The following GRM4 variants were observed in gnomAD, a reference collection of about 807,000 sequenced individuals.
The protein encoded by GRM4 is metabotropic glutamate receptor 4.
Under a neutral mutation model 81.7 loss-of-function variants are expected in GRM4, and 28 were observed. That is an observed-to-expected ratio of 0.34 (90% CI 0.25 to 0.47). The LOEUF is 0.47. Ranked by LOEUF, GRM4 falls within the 20% of genes least tolerant of loss-of-function variation. GRM4 has a pLI of 1.00. For missense variants in GRM4, 948 were observed against 1,290.0 expected (o/e 0.73, Z 4.06); for synonymous variants, 488 against 528.8 (o/e 0.92, Z 1.06).
chr6:34,038,231 C>T (rs898325624), intron 8 of GRM4, among the ~76,000 whole-genome samples: 2 of 152,268 alleles, frequency 1.3e-5, no homozygotes, highest in African/African-American at 4.8e-5. Flanking sequence ...CGTCCTTGAG[C>T]AAATGGCTTC....
chr6:34,100,389 G>A (rs573504344), intron 2 of GRM4, among the ~76,000 whole-genome samples: 1 of 152,328 alleles, frequency 6.6e-6, no homozygotes, highest in East Asian at 1.9e-4. Flanking sequence ...GTGATGGAGA[G>A]TGCATGTCAG....
rs1362082398 is a variant in GRM4 at position 34,048,194 on chromosome 6, C to T, written c.1169-7446G>A. The stretch of plus-strand genomic sequence containing the variant: ...AGACCTAGCTTTGAGAAACAGGATT[C>T]GAGCCCCAGGGTCTGGTGGGGCCAG... On this transcript the variant is annotated intron_variant, in intron 6 of 10. Coordinates refer to ENST00000538487, the MANE Select transcript of GRM4 (RefSeq NM_000841.4). The surrounding 1 kb of genome is among the most constrained non-coding windows in gnomAD (Gnocchi z 4.0). Among the ~76,000 whole-genome samples, 3 of 152,160 alleles carry T rather than the reference C, an allele frequency of 2.0e-5. No homozygotes were observed. The highest frequency in any genetic ancestry group is 3.9e-4 in the East Asian group (2 of 5,186).
rs1309568110 is a variant in GRM4 at position 34,121,656 on chromosome 6, C to CAGGGCT, written c.519+11316_519+11321dup. ...CAGGGCACCTCTGCTGGGCCAGGGC[C>CAGGGCT]AGGGCTGAGCAGAGCATCCCTCCTC... On this transcript the variant is annotated intron_variant, in intron 2 of 10. Coordinates refer to ENST00000538487, the MANE Select transcript of GRM4 (RefSeq NM_000841.4). The surrounding 1 kb of genome is among the most constrained non-coding windows in gnomAD (Gnocchi z 4.6). Among the ~76,000 whole-genome samples, 9 of 152,306 alleles carry CAGGGCT rather than the reference C, an allele frequency of 5.9e-5. No individual in the cohort carries two copies. The highest frequency in any genetic ancestry group is 1.3e-4 in the Admixed American group (2 of 15,306).
chr6:34,090,116 GTA>G lies in GRM4; in HGVS notation c.736+1765_736+1766del, dbSNP rs1359530182. ...ATGGGGATGAGGCAGCATCTACCTC[GTA>G]GGGCAGGAAGGACTGCCCAGGACAG... is the stretch of plus-strand genomic sequence containing the variant. On this transcript the variant is annotated intron_variant, in intron 3 of 10. Transcript: ENST00000538487. The surrounding 1 kb of genome is among the most constrained non-coding windows in gnomAD (Gnocchi z 5.2). Among the ~76,000 whole-genome samples, 1 of 152,132 alleles carries G rather than the reference GTA, an allele frequency of 6.6e-6. No individual in the cohort carries two copies. The highest frequency in any genetic ancestry group is 2.4e-5 in the African/African-American group (1 of 41,430).
intron 9 of GRM4, 111 bp from the exon 10 acceptor site, chr6:34,028,477 A>G: frequency 1.6e-6 from 2 of 1,230,636 alleles, no homozygotes; most frequent in South Asian, 1.4e-5. Context: ...TTCAGGCAGA[A>G]GGAAGTCGTG....
chr6:34,070,931 C>G lies in GRM4; in HGVS notation c.737-8903G>C, dbSNP rs80086785. Among the ~76,000 whole-genome samples, 15,903 of 151,758 alleles carry G rather than the reference C, an allele frequency of 0.1. 1,036 individuals are homozygous for G. The highest frequency in any genetic ancestry group is 0.19 in the East Asian group (998 of 5,146). On this transcript the variant is annotated intron_variant, in intron 3 of 10. Coordinates refer to ENST00000538487, the MANE Select transcript of GRM4 (RefSeq NM_000841.4). This position sits in a 1 kb window ranked among gnomAD's most constrained non-coding sequence, Gnocchi z 4.6. ...AGCTCCCATCACACTTATGGACCCA[C>G]TAAGAACCTCGTACAGCCTCATAGC...
chr6:34,025,290 A>T (rs1157615818), intron 10 of GRM4, among the ~76,000 whole-genome samples: 1 of 152,154 alleles, frequency 6.6e-6, no homozygotes, highest in Non-Finnish European at 1.5e-5. Flanking sequence ...CAGGCTGGTG[A>T]GAATCAATTC....
Position 34,092,213 on chromosome 6 carries a change from C to A in GRM4, c.520-114G>T, listed in dbSNP as rs749100031. On this transcript the variant is annotated intron_variant, in intron 2 of 10. Coordinates refer to ENST00000538487, the MANE Select transcript of GRM4 (RefSeq NM_000841.4). The surrounding 1 kb of genome is among the most constrained non-coding windows in gnomAD (Gnocchi z 6.8). ...GGTCCCCACAGCCTTGGGACCACCA[C>A]AGCCCACCCCTCCCCATGGGCGATG... 26 of 665,786 alleles carry A rather than the reference C, an allele frequency of 3.9e-5. No homozygotes were observed. Among genetic ancestry groups the A allele is most frequent in the Non-Finnish European group, 6.2e-5 (24 of 389,252 alleles). The allele number at this position is 665,786 out of a possible 1,614,324, so 41.2% of individuals were successfully genotyped here. A position where few individuals can be genotyped will look rare whatever the true frequency, so the allele number is the denominator to read the frequency against.
chr6:34,132,878 G>A (rs1770298959), intron 2 of GRM4, 100 bp downstream of exon 2: 14 of 952,890 alleles, frequency 1.5e-5, no homozygotes, highest in South Asian at 1.7e-5. Context: ...AGGAAAAAAG[G>A]AGGAAAAAGG....
In GRM4 at chr6:34,048,110, T is replaced by G. The variant is rs1001335629; in HGVS notation, c.1169-7362A>C. On this transcript the variant is annotated intron_variant, in intron 6 of 10. Transcript: ENST00000538487. This position sits in a 1 kb window ranked among gnomAD's most constrained non-coding sequence, Gnocchi z 4.0. ...ATGAGAATGCAGACTTTAAGAATCCTCACGGCACTCCTGTGTCCCTGCGAA... is the reference window on the plus strand; with the variant it reads ...ATGAGAATGCAGACTTTAAGAATCCGCACGGCACTCCTGTGTCCCTGCGAA... Among the ~76,000 whole-genome samples the G allele has an allele frequency of 6.6e-6, 1 of 152,148 alleles. No individual in the cohort carries two copies. The highest frequency in any genetic ancestry group is 2.4e-5 in the African/African-American group (1 of 41,422).
rs1765087196 is a variant in GRM4, at chr6:34,042,921, C to T, written c.1169-2173G>A. Among the ~76,000 whole-genome samples the T allele has an allele frequency of 6.6e-6, 1 of 152,196 alleles. No individual in the cohort carries two copies. The highest frequency in any genetic ancestry group is 6.5e-5 in the Admixed American group (1 of 15,288). On this transcript the variant is annotated intron_variant, in intron 6 of 10. Coordinates refer to ENST00000538487, the MANE Select transcript of GRM4 (RefSeq NM_000841.4). The surrounding 1 kb of genome is among the most constrained non-coding windows in gnomAD (Gnocchi z 4.2). Reference sequence around the variant, plus strand: ...ATGGGGGATAGCTGGCCTGGTCGCTCATTAACCCTGCCAGCCAGAACCACA... The same window carrying T: ...ATGGGGGATAGCTGGCCTGGTCGCTTATTAACCCTGCCAGCCAGAACCACA...
chr6:34,047,610 T>G lies in GRM4; in HGVS notation c.1169-6862A>C, dbSNP rs1406396279. ...AGTCGCCTGCCTTCCAGTCTGGGAA[T>G]TTCTAACCCACTTGGCTGGGTCTCC... On this transcript the variant is annotated intron_variant, in intron 6 of 10. Transcript: ENST00000538487. The surrounding 1 kb of genome is among the most constrained non-coding windows in gnomAD (Gnocchi z 4.5). Among the ~76,000 whole-genome samples, 1 of 152,128 alleles carries G rather than the reference T, an allele frequency of 6.6e-6. No homozygotes were observed. Among genetic ancestry groups the G allele is most frequent in the African/African-American group, 2.4e-5 (1 of 41,440 alleles).
intron 3 of GRM4, among the ~76,000 whole-genome samples, chr6:34,079,897 C>A (rs890508053): frequency 4.6e-5 from 7 of 152,176 alleles, no homozygotes; most frequent in Admixed American, 6.5e-5. Flanking sequence ...CAGGGCCCCA[C>A]TCTATTCCCT....
intron 10 of GRM4, among the ~76,000 whole-genome samples, chr6:34,025,975 A>G (rs1764112937): frequency 6.6e-6 from 1 of 152,124 alleles, no homozygotes; most frequent in Non-Finnish European, 1.5e-5. Context: ...GGGAAGGCCA[A>G]GGGGTGTGGG....
chr6:34,116,160 GA>G (rs1769590190), intron 2 of GRM4, among the ~76,000 whole-genome samples: 1 of 152,176 alleles, frequency 6.6e-6, no homozygotes, highest in Non-Finnish European at 1.5e-5. Flanking sequence ...TGGGCGAGCT[GA>G]AAAAGAGCAA....
At chr6:34,038,096 G>A (rs947157661) in intron 8 of GRM4, among the ~76,000 whole-genome samples, 66 of 152,186 alleles carry the variant, frequency 4.3e-4, no homozygotes, top group Non-Finnish European at 1.3e-4. Flanking sequence ...AACTGCAGGG[G>A]AAAGACCCTT....
At chr6:34,044,235 CACAT>C (rs1265640983) in intron 6 of GRM4, among the ~76,000 whole-genome samples, 3 of 150,784 alleles carry the variant, frequency 2.0e-5, no homozygotes, top group East Asian at 1.9e-4. Context: ...TACAGACACA[CACAT>C]ACACACACAG....
intron 2 of GRM4, among the ~76,000 whole-genome samples, chr6:34,107,740 GAC>G (rs1769193485): frequency 6.6e-6 from 1 of 152,222 alleles, no homozygotes; most frequent in Admixed American, 6.5e-5. Flanking sequence ...GAGGATGGGA[GAC>G]ACAGCTTGAC....
chr6:34,128,851 C>T (rs769162951), intron 2 of GRM4, among the ~76,000 whole-genome samples: 1 of 152,244 alleles, frequency 6.6e-6, no homozygotes, highest in South Asian at 2.1e-4. Flanking sequence ...TGCAGCGCCC[C>T]CTTCTCCAAG....
Sources: allele counts gnomAD v4.1 joint callset (sites outside exome capture counted in the v4.1 genomes callset), GRCh38; gene constraint gnomAD v4.1.1; non-coding constraint Gnocchi (gnomAD v3.1); transcripts MANE v1.5; gene names NCBI Gene and HGNC (gene_info 2026-07-23, HGNC 2026-07-21).